MS4A13: variants seen among roughly 807,000 people sequenced by gnomAD.
MS4A13 encodes the protein membrane spanning 4-domains A13.
A neutral mutation model predicts 18.4 loss-of-function variants in MS4A13; 21 were observed. The ratio of observed to expected loss-of-function variants is 1.14; its 90% CI spans 0.81 to 1.64. The LOEUF is 1.64. MS4A13 is among the 40% of genes most tolerant of loss of function. MS4A13 has a pLI of 0.00. For missense variants in MS4A13, 173 were observed against 176.8 expected, an observed-to-expected ratio of 0.98 and a Z score of 0.12; for synonymous variants, 62 against 57.2, an observed-to-expected ratio of 1.08 and a Z score of -0.38.
chr11:60,535,446 C>A (rs1684060210), intron 6 of MS4A13, among the ~76,000 whole-genome samples: 1 of 136,566 alleles, frequency 7.3e-6, no homozygotes, highest in African/African-American at 2.8e-5. Context: ...CATTCCTCGA[C>A]ACATACACTC....
intron 6 of MS4A13, among the ~76,000 whole-genome samples, chr11:60,537,955 C>T: frequency 7.6e-6 from 1 of 131,436 alleles, no homozygotes; most frequent in East Asian, 2.3e-4. Flanking sequence ...CATATTCTCA[C>T]TCATAGGTGG....
In MS4A13 at chr11:60,527,874, T is replaced by C. The variant is rs186674034; in HGVS notation, c.307-1491T>C. ...TTAAAAAATTAAAAAAAATAAGGAA[T>C]ATGGGTAAAATGACTTTTCACAGTC... On this transcript the variant is annotated intron_variant, in intron 5 of 6. Transcript: ENST00000378186. Among the ~76,000 whole-genome samples, 251 of 152,158 alleles carry C rather than the reference T, an allele frequency of 1.6e-3. 3 individuals carry two copies. The highest frequency in any genetic ancestry group is 5.8e-3 in the African/African-American group (242 of 41,534).
chr11:60,542,643 T>A lies in MS4A13; in HGVS notation c.*68T>A, dbSNP rs370211844. 236 of 939,116 alleles carry A rather than the reference T, an allele frequency of 2.5e-4. 1 individual carries two copies. In the African/African-American group the frequency reaches 3.6e-3, roughly 14 times the overall value. 58.2% of individuals were successfully genotyped at this position (939,116 alleles called of 1,614,324 possible). A position where few individuals can be genotyped will look rare whatever the true frequency, so the allele number is the denominator to read the frequency against. On this transcript the variant is annotated 3_prime_UTR_variant, in exon 7 of 7. Coordinates refer to ENST00000378186, the MANE Select transcript of MS4A13 (RefSeq NM_001012417.3). Reference sequence around the variant, plus strand: ...TGTGGGTCCTAATGATATCTCTGTATAACAAAGCAGTTACGAAGCCTACAG... The same window carrying A: ...TGTGGGTCCTAATGATATCTCTGTAAAACAAAGCAGTTACGAAGCCTACAG...
chr11:60,539,070 A>C (rs1237975674), intron 6 of MS4A13, among the ~76,000 whole-genome samples: 1 of 141,688 alleles, frequency 7.1e-6, no homozygotes, highest in Non-Finnish European at 1.5e-5. Flanking sequence ...CCCTCCAGAT[A>C]ATAGCCCAGG....
chr11:60,525,283 T>C lies in MS4A13; in HGVS notation c.263T>C (p.Leu88Ser). The change falls in exon 5 of 7, where the codon TTG becomes TCG. Residue 88 changes from leucine (L) to serine (S), a missense_variant. Transcript: ENST00000378186. ...ITAVTLTIIE[L>S]SHFNSVSYRN... ...GCAGTAACTCTAACAATAATAGAGT[T>C]GTCTCATTTTAATTCTGTGTCATAC... 6.3e-7 allele frequency: 1 copy of C among 1,590,854 alleles called. No individual in the cohort carries two copies. The highest frequency in any genetic ancestry group is 2.3e-5 in the East Asian group (1 of 44,360).
At chr11:60,519,405 G>GA (rs1555023304) in intron 3 of MS4A13, among the ~76,000 whole-genome samples, 5 of 146,006 alleles carry the variant, frequency 3.4e-5, no homozygotes, top group African/African-American at 1.2e-4. Flanking sequence ...GCCTGTGGAA[G>GA]TTTTTTTTTT....
intron 3 of MS4A13, among the ~76,000 whole-genome samples, chr11:60,522,265 C>CAT (rs1216678441): frequency 1.6e-5 from 1 of 62,312 alleles, no homozygotes. Context: ...TATATACACA[C>CAT]ATATATATGT....
At chr11:60,517,110 T>C (rs1232286790) in intron 2 of MS4A13, among the ~76,000 whole-genome samples, 1 of 152,018 alleles carries the variant, frequency 6.6e-6, no homozygotes, top group African/African-American at 2.4e-5. Flanking sequence ...TTCTTGCAAA[T>C]TTGATGCAAG....
intron 5 of MS4A13, among the ~76,000 whole-genome samples, chr11:60,527,406 C>CTG (rs1408422219): frequency 6.9e-4 from 32 of 46,094 alleles, no homozygotes; most frequent in African/African-American, 2.4e-3. Context: ...CTCTCTCTCT[C>CTG]TCTCTGTGTG....
At chr11:60,522,175 C>A (rs1175699631) in intron 3 of MS4A13, among the ~76,000 whole-genome samples, 2 of 149,136 alleles carry the variant, frequency 1.3e-5, no homozygotes. Flanking sequence ...GACACAGAGC[C>A]AAACCATATC....
At chr11:60,517,127 C>T (rs968775518) in intron 2 of MS4A13, among the ~76,000 whole-genome samples, 4 of 150,704 alleles carry the variant, frequency 2.7e-5, no homozygotes, top group Non-Finnish European at 5.9e-5. Flanking sequence ...CAAGGGGAAA[C>T]GTTAAATTCT....
At chr11:60,532,415 G>A (rs917075571) in intron 6 of MS4A13, among the ~76,000 whole-genome samples, 9 of 152,172 alleles carry the variant, frequency 5.9e-5, no homozygotes, top group Admixed American at 1.3e-4. Context: ...GGTGACGGAC[G>A]CACCTGGAAA....
At position 60,523,914 on chromosome 11, in the gene MS4A13, C is replaced by A; in HGVS notation, c.147C>A (p.Val49=). ...ATATCCAGTTTATCATTGCAGGAGT[C>A]TTCCTAATAAGAGTAACAAAGTATC... ...LWGIFFIIAG[V]FLIRVTKYPT... is the part of the protein sequence containing the mutation. Residue 49 remains valine, a synonymous_variant, in exon 4 of 7, where the codon GTC becomes GTA. Transcript: ENST00000378186. The A allele has an allele frequency of 6.5e-7, 1 of 1,539,854 alleles. No homozygotes were observed. Among genetic ancestry groups the A allele is most frequent in the South Asian group, 1.1e-5 (1 of 89,044 alleles).
chr11:60,533,789 T>A (rs2086790854), intron 6 of MS4A13, among the ~76,000 whole-genome samples: 1 of 63,596 alleles, frequency 1.6e-5, no homozygotes, highest in Admixed American at 2.2e-4. Context: ...CGGGTTACCC[T>A]CAAAGGAAAG....
At chr11:60,541,084 T>A (rs1309525458) in intron 6 of MS4A13, among the ~76,000 whole-genome samples, 2 of 152,174 alleles carry the variant, frequency 1.3e-5, no homozygotes, top group Non-Finnish European at 2.9e-5. Context: ...TTAAAGTACC[T>A]ACTGGAATGA....
In MS4A13 at chr11:60,532,053, T is replaced by C. The variant is rs79221076; in HGVS notation, c.402+2593T>C. ...ACAAAAAGTATGCAAATAATAATAG[T>C]TACCCATAGGGTTCAAAACAACACT... On this transcript the variant is annotated intron_variant, in intron 6 of 6. Coordinates refer to ENST00000378186, the MANE Select transcript of MS4A13 (RefSeq NM_001012417.3). Among the ~76,000 whole-genome samples, 54 of 152,338 alleles carry C rather than the reference T, an allele frequency of 3.5e-4. No homozygotes were observed. The East Asian group carries it at 7.5e-3, about 21-fold the overall frequency.
chr11:60,539,829 C>G (rs548871933), intron 6 of MS4A13, among the ~76,000 whole-genome samples: 1 of 152,242 alleles, frequency 6.6e-6, no homozygotes, highest in African/African-American at 2.4e-5. Flanking sequence ...GGGGGAAAAA[C>G]AGTCAGGCAG....
intron 6 of MS4A13, among the ~76,000 whole-genome samples, chr11:60,534,905 AC>A (rs2086795161): frequency 5.2e-5 from 1 of 19,414 alleles, no homozygotes; most frequent in African/African-American, 2.1e-4. Context: ...AAACTGAACA[AC>A]CTGCTCCTGA....
At chr11:60,538,828 G>C (rs4121607) in intron 6 of MS4A13, among the ~76,000 whole-genome samples, 101,609 of 129,428 alleles carry the variant, frequency 0.79, 40,843 homozygotes, top group Non-Finnish European at 0.88. Flanking sequence ...TCTGGCTGAT[G>C]GCAGAAAGGG....
Sources: allele counts gnomAD v4.1 joint callset (sites outside exome capture counted in the v4.1 genomes callset), GRCh38; gene constraint gnomAD v4.1.1; transcripts MANE v1.5; gene names NCBI Gene and HGNC (gene_info 2026-07-23, HGNC 2026-07-21).